FAM81A: variants seen among roughly 807,000 people sequenced by gnomAD.
FAM81A encodes protein FAM81A.
Under a neutral mutation model 46.7 loss-of-function variants are expected in FAM81A, and 19 were observed. That is an observed-to-expected ratio of 0.41 (90% CI 0.28 to 0.60). The LOEUF (loss-of-function observed/expected upper bound fraction) is 0.60, where lower values mean the gene tolerates loss of function less well. Ranked by LOEUF, FAM81A falls within the 20% of genes least tolerant of loss-of-function variation. FAM81A has a pLI of 0.34. For missense variants in FAM81A, 377 were observed against 453.5 expected (o/e 0.83, Z 1.53); for synonymous variants, 183 against 152.9 (o/e 1.20, Z -1.45).
intron 8 of FAM81A, among the ~76,000 whole-genome samples, chr15:59,518,947 G>C (rs966108658): frequency 1.5e-5 from 2 of 130,158 alleles, no homozygotes; most frequent in East Asian, 4.2e-4. Flanking sequence ...GTGTGTCTGT[G>C]TGTGTGTGTG....
intron 3 of FAM81A, among the ~76,000 whole-genome samples, chr15:59,461,916 A>G (rs2081555939): frequency 6.6e-6 from 1 of 152,224 alleles, no homozygotes. Context: ...TTTTTAAAAC[A>G]TAGCTGGCAG....
chr15:59,399,483 G>A (rs1375069525), intron 1 of FAM81A, among the ~76,000 whole-genome samples: 2 of 152,130 alleles, frequency 1.3e-5, no homozygotes, highest in African/African-American at 4.8e-5. Context: ...GAACCCAGCT[G>A]TAAGACATCA....
intron 1 of FAM81A, among the ~76,000 whole-genome samples, chr15:59,447,376 C>T (rs1045402243): frequency 3.3e-5 from 5 of 152,218 alleles, no homozygotes; most frequent in African/African-American, 1.2e-4. Flanking sequence ...GGCCTCACAA[C>T]CATAATGCCA....
At chr15:59,459,876 T>G in intron 2 of FAM81A, 57 bp from the exon 3 acceptor site, 1 of 1,484,756 alleles carries the variant, frequency 6.7e-7, no homozygotes, top group Non-Finnish European at 9.0e-7. Flanking sequence ...AAGTTTTGAA[T>G]CTGGCTTTAA....
chr15:59,470,559 C>A (rs1201923320), intron 3 of FAM81A, among the ~76,000 whole-genome samples: 2 of 152,186 alleles, frequency 1.3e-5, no homozygotes, highest in African/African-American at 4.8e-5. Flanking sequence ...TCCATCAGGT[C>A]ATTTAAGGTC....
At position 59,492,478 on chromosome 15, in the gene FAM81A, A is replaced by G. The variant is rs965203072; in HGVS notation, c.413+89A>G. Reference sequence around the variant, plus strand: ...TGGGGAATATATTAATGAAGCCCCAAAGCAAATGGCTTGCATTCCTTTAGT... The same window carrying G: ...TGGGGAATATATTAATGAAGCCCCAGAGCAAATGGCTTGCATTCCTTTAGT... On this transcript the variant is annotated intron_variant, in intron 4 of 8. Transcript: ENST00000288228. 3.8e-6 allele frequency: 4 copies of G among 1,042,872 alleles called. No homozygotes were observed. In the East Asian group the frequency reaches 1.1e-4, roughly 28 times the overall value. 64.6% of individuals were successfully genotyped at this position (1,042,872 alleles called of 1,614,324 possible).
At chr15:59,405,564 C>G (rs2081090458) in intron 2 of FAM81A, among the ~76,000 whole-genome samples, 2 of 152,058 alleles carry the variant, frequency 1.3e-5, no homozygotes, top group South Asian at 4.1e-4. Flanking sequence ...TCGCTTGAAC[C>G]CTGGAGGCAG....
At chr15:59,434,491 C>T (rs2081234605), upstream of FAM81A, among the ~76,000 whole-genome samples, 1 of 152,216 alleles carries the variant, frequency 6.6e-6, no homozygotes, top group Admixed American at 6.5e-5. Flanking sequence ...CAGTGACTTT[C>T]TATTCACTAA....
chr15:59,454,677 G>C (rs1489637831), intron 1 of FAM81A, among the ~76,000 whole-genome samples: 1 of 152,114 alleles, frequency 6.6e-6, no homozygotes, highest in Non-Finnish European at 1.5e-5. Context: ...CCAGGCTAGA[G>C]TGCAGTGGTG....
rs150039882 is a variant in FAM81A at position 59,416,631 on chromosome 15, T to G, written c.-78+14273T>G. Reference sequence around the variant, plus strand: ...TGCTACAATCCCTCCTAAGATTTACTGCTAACATCTTGCCGTCTCTTTCCC... The same window carrying G: ...TGCTACAATCCCTCCTAAGATTTACGGCTAACATCTTGCCGTCTCTTTCCC... On this transcript the variant is annotated intron_variant, in intron 2 of 4. Coordinates refer to the FAM81A transcript ENST00000558348. Among the ~76,000 whole-genome samples, 239 of 152,216 alleles carry G rather than the reference T, an allele frequency of 1.6e-3. 1 individual carries two copies. Among genetic ancestry groups the G allele is most frequent in the African/African-American group, 5.7e-3 (235 of 41,546 alleles).
chr15:59,467,943 C>G (rs2081635650), intron 3 of FAM81A, among the ~76,000 whole-genome samples: 1 of 152,132 alleles, frequency 6.6e-6, no homozygotes, highest in Non-Finnish European at 1.5e-5. Context: ...TGTCAAAGGC[C>G]TTTTCTGCAT....
At chr15:59,500,410 A>G (rs141685109) in intron 4 of FAM81A, among the ~76,000 whole-genome samples, 5 of 151,728 alleles carry the variant, frequency 3.3e-5, no homozygotes, top group African/African-American at 7.3e-5. Flanking sequence ...CGACCCCCCA[A>G]CTTTAGTCTC....
intron 2 of FAM81A, among the ~76,000 whole-genome samples, chr15:59,423,211 C>A (rs1219999016): frequency 6.6e-6 from 1 of 152,166 alleles, no homozygotes; most frequent in Non-Finnish European, 1.5e-5. Context: ...CATTCTCCTG[C>A]CTCAGCCTCC....
At chr15:59,400,617 G>T (rs1448491863) in intron 1 of FAM81A, among the ~76,000 whole-genome samples, 1 of 152,134 alleles carries the variant, frequency 6.6e-6, no homozygotes, top group Non-Finnish European at 1.5e-5. Flanking sequence ...TTCATCAGGC[G>T]TCATTCCTTC....
chr15:59,416,272 C>T (rs1200635080), intron 2 of FAM81A, among the ~76,000 whole-genome samples: 2 of 152,156 alleles, frequency 1.3e-5, no homozygotes, highest in African/African-American at 4.8e-5. Flanking sequence ...TGTGTGCAAC[C>T]GGGGCTCCGT....
intron 1 of FAM81A, among the ~76,000 whole-genome samples, chr15:59,398,278 G>A (rs2081055496): frequency 6.6e-6 from 1 of 152,184 alleles, no homozygotes; most frequent in Admixed American, 6.5e-5. Flanking sequence ...AATTGGTAAT[G>A]TAGGGTCTAA....
chr15:59,463,915 G>C (rs537735928), intron 3 of FAM81A, among the ~76,000 whole-genome samples: 6 of 151,978 alleles, frequency 3.9e-5, no homozygotes, highest in Non-Finnish European at 8.8e-5. Context: ...AATATGCAGT[G>C]ACCAGATCAA....
intron 1 of FAM81A, among the ~76,000 whole-genome samples, chr15:59,399,783 T>C (rs1430217136): frequency 6.6e-6 from 1 of 152,184 alleles, no homozygotes; most frequent in Non-Finnish European, 1.5e-5. Flanking sequence ...CCTTTCCTCC[T>C]GCTGCAGCTG....
At chr15:59,434,279 A>G (rs1182189990), upstream of FAM81A, among the ~76,000 whole-genome samples, 1 of 152,240 alleles carries the variant, frequency 6.6e-6, no homozygotes, top group African/African-American at 2.4e-5. Flanking sequence ...CTACAACTGT[A>G]TATAAATATG....
Sources: allele counts gnomAD v4.1 joint callset (sites outside exome capture counted in the v4.1 genomes callset), GRCh38; gene constraint gnomAD v4.1.1; transcripts MANE v1.5; gene names NCBI Gene and HGNC (gene_info 2026-07-23, HGNC 2026-07-21).